The following P4HA2 variants were observed in gnomAD, a reference collection of about 807,000 sequenced individuals.
P4HA2 encodes the protein prolyl 4-hydroxylase subunit alpha 2, also known as prolyl 4-hydroxylase subunit alpha-2.
A neutral mutation model predicts 76.9 loss-of-function variants in P4HA2; 46 were observed. That is an observed-to-expected ratio of 0.60 (90% CI 0.47 to 0.76). P4HA2 has a LOEUF of 0.76. Ranked by LOEUF, P4HA2 falls within the 30% of genes least tolerant of loss-of-function variation. The pLI is 0.00. For synonymous variants in P4HA2, 243 were observed against 254.0 expected, an observed-to-expected ratio of 0.96 and a Z score of 0.41; for missense variants, 583 against 669.4, an observed-to-expected ratio of 0.87 and a Z score of 1.42.
chr5:132,210,354 G>A lies in P4HA2; in HGVS notation c.639C>T (p.Leu213=), dbSNP rs775167293. The part of the protein sequence containing the change: ...TTTKSQVLDY[L]SYAVFQLGDL... ...CACCCAACTGGAAGACAGCATAGCT[G>A]AGGTAGTCCAGCACCTGTGACTTGG... Residue 213 remains leucine (L), a synonymous_variant, in exon 6 of 15, where the codon CTC becomes CTT. Coordinates refer to ENST00000360568, the MANE Select transcript of P4HA2 (RefSeq NM_001017974.2). 11 of 1,613,990 alleles carry A rather than the reference G, an allele frequency of 6.8e-6. No homozygotes were observed. The highest frequency in any genetic ancestry group is 3.3e-4 in the Middle Eastern group (2 of 6,084).
At chr5:132,193,113 A>G (rs908837198) in intron 14 of P4HA2, 33 bp from the exon 15 acceptor site, 1 of 1,529,318 alleles carries the variant, frequency 6.5e-7, no homozygotes. Flanking sequence ...TTACAATCCT[A>G]TTGGTCAGTT....
intron 1 of P4HA2, among the ~76,000 whole-genome samples, chr5:132,220,201 G>T (rs1754479891): frequency 6.6e-6 from 1 of 152,244 alleles, no homozygotes; most frequent in Non-Finnish European, 1.5e-5. Context: ...CCACAGGTCT[G>T]CTCCAAGGCC....
intron 6 of P4HA2, 40 bp from the exon 7 acceptor site, chr5:132,209,371 A>G: frequency 6.7e-7 from 1 of 1,493,578 alleles, no homozygotes; most frequent in African/African-American, 1.4e-5. Flanking sequence ...GGAAACCACA[A>G]ACATCTGTTA....
At chr5:132,211,444 G>T (rs894365922) in intron 5 of P4HA2, among the ~76,000 whole-genome samples, 1 of 152,206 alleles carries the variant, frequency 6.6e-6, no homozygotes. Context: ...CCTGGGCATG[G>T]CTGACACAAA....
chr5:132,198,033 T>C (rs1750925971), intron 12 of P4HA2: 6 of 985,128 alleles, frequency 6.1e-6, no homozygotes, highest in Non-Finnish European at 7.2e-6. Context: ...GTGGGGAAAA[T>C]GAATAGAAAC....
chr5:132,226,232 T>G (rs569947241), intron 1 of P4HA2, among the ~76,000 whole-genome samples: 1 of 152,226 alleles, frequency 6.6e-6, no homozygotes, highest in South Asian at 2.1e-4. Flanking sequence ...AAACATCCTA[T>G]AAATTCTTAG....
At chr5:132,204,727 C>T (rs929286248) in intron 8 of P4HA2, among the ~76,000 whole-genome samples, 1 of 152,228 alleles carries the variant, frequency 6.6e-6, no homozygotes, top group Non-Finnish European at 1.5e-5. Flanking sequence ...ACAGTTTTCG[C>T]TCCCTTGGGA....
At position 132,192,964 on chromosome 5, in the gene P4HA2, T is replaced by C. The variant is rs1043634773; in HGVS notation, c.*46A>G. On this transcript the variant is annotated 3_prime_UTR_variant, in exon 15 of 15. Transcript: ENST00000360568. ...GGAACATACAAAGGTGTCTGTCACG[T>C]TGACATGGGCTGAAGGACCAGGAAG... is the stretch of plus-strand genomic sequence containing the variant. 3 of 1,236,698 alleles carry C rather than the reference T, an allele frequency of 2.4e-6. No homozygotes were observed. In the African/African-American group the frequency reaches 4.4e-5, roughly 18 times the overall value. 76.6% of individuals were successfully genotyped at this position (1,236,698 alleles called of 1,614,324 possible).
At chr5:132,203,147 T>C (rs953448122) in intron 10 of P4HA2, among the ~76,000 whole-genome samples, 5 of 152,200 alleles carry the variant, frequency 3.3e-5, no homozygotes, top group Non-Finnish European at 5.9e-5. Context: ...GGTAAAACAA[T>C]TCTTGTCTCT....
rs1005985937 is a variant in P4HA2 at position 132,190,625 on chromosome 5, G to A, written c.*2385C>T. Among the ~76,000 whole-genome samples, 3 of 152,130 alleles carry A rather than the reference G, an allele frequency of 2.0e-5. No individual in the cohort carries two copies. Among genetic ancestry groups the A allele is most frequent in the African/African-American group, 2.4e-5 (1 of 41,422 alleles). ...GACAAAGACTATATAGCTTTCAGAA[G>A]AGAACACAGGAAACATCCTCATGAT... On this transcript the variant is annotated 3_prime_UTR_variant, in exon 15 of 15. Transcript: ENST00000360568.
chr5:132,209,717 G>A (rs1230658932), intron 6 of P4HA2, among the ~76,000 whole-genome samples: 1 of 148,234 alleles, frequency 6.7e-6, no homozygotes, highest in East Asian at 2.0e-4. Context: ...GGAGGTTACA[G>A]TGAGCTGAGA....
intron 1 of P4HA2, chr5:132,221,969 T>C (rs968485177): frequency 6.6e-5 from 10 of 152,238 alleles, no homozygotes; most frequent in African/African-American, 2.4e-4. Flanking sequence ...GGAAAAGACA[T>C]TTACAATCTG....
chr5:132,210,414 T>A lies in P4HA2; in HGVS notation c.579A>T (p.Leu193=), dbSNP rs1752916484. The A allele has an allele frequency of 6.2e-7, 1 of 1,614,132 alleles. No homozygotes were observed. The highest frequency in any genetic ancestry group is 1.3e-5 in the African/African-American group (1 of 75,034). Reference sequence around the variant, plus strand: ...CCTCCTCCCCGGCATCAAGCTGCTTTAGCACCTGCTCCATCCACAACACCG... The same window carrying A: ...CCTCCTCCCCGGCATCAAGCTGCTTAAGCACCTGCTCCATCCACAACACCG... ...YHTVLWMEQV[L]KQLDAGEEAT... is the part of the protein sequence containing the mutation. The change falls in exon 6 of 15, where the codon CTA becomes CTT. Residue 193 remains leucine, a synonymous_variant. Coordinates refer to ENST00000360568, the MANE Select transcript of P4HA2 (RefSeq NM_001017974.2).
At chr5:132,193,290 A>T in intron 14 of P4HA2, 1 of 506,852 alleles carries the variant, frequency 2.0e-6, no homozygotes, top group Non-Finnish European at 3.5e-6. Context: ...GGGACAAGAT[A>T]CATGTGTGCA....
At chr5:132,220,160 T>G (rs1219338495) in intron 1 of P4HA2, among the ~76,000 whole-genome samples, 1 of 152,252 alleles carries the variant, frequency 6.6e-6, no homozygotes, top group Non-Finnish European at 1.5e-5. Context: ...GGGCTTGCCC[T>G]GAGGCAGAGT....
At chr5:132,206,794 A>G (rs983348098) in intron 8 of P4HA2, among the ~76,000 whole-genome samples, 3 of 152,264 alleles carry the variant, frequency 2.0e-5, no homozygotes, top group African/African-American at 7.2e-5. Context: ...CAATAAGGTT[A>G]TAAAAACAAA....
intron 7 of P4HA2, among the ~76,000 whole-genome samples, 189 bp from the exon 8 acceptor site, chr5:132,208,073 G>A (rs185616): frequency 0.2 from 30,441 of 151,416 alleles, 3,106 homozygotes; most frequent in East Asian, 0.3. Context: ...GAGAACTCTG[G>A]GGGGCCAAAG....
intron 13 of P4HA2, 98 bp from the exon 14 acceptor site, chr5:132,195,120 C>T (rs1055411982): frequency 2.5e-6 from 2 of 808,864 alleles, no homozygotes; most frequent in East Asian, 2.5e-5. Context: ...GCAGAAACAC[C>T]CTCATTTTCC....
chr5:132,209,820 T>C (rs1395956035), intron 6 of P4HA2, among the ~76,000 whole-genome samples: 2 of 151,310 alleles, frequency 1.3e-5, no homozygotes, highest in African/African-American at 4.9e-5. Flanking sequence ...ACAGTGCTTT[T>C]GGCCTTCTTC....
Sources: allele counts gnomAD v4.1 joint callset (sites outside exome capture counted in the v4.1 genomes callset), GRCh38; gene constraint gnomAD v4.1.1; transcripts MANE v1.5; gene names NCBI Gene and HGNC (gene_info 2026-07-23, HGNC 2026-07-21).